The following CHN2 variants were observed in gnomAD, a reference collection of about 807,000 sequenced individuals.
CHN2 encodes beta-chimaerin.
A neutral mutation model predicts 56.3 loss-of-function variants in CHN2; 35 were observed. The observed-to-expected ratio is 0.62, with a 90% CI of 0.47 to 0.82. The LOEUF is 0.82. Among genes scored for constraint, CHN2 ranks in the 40% least tolerant of loss-of-function variants. The pLI, the probability that CHN2 is intolerant of heterozygous loss-of-function variation, is 0.00. For missense variants in CHN2, 491 were observed against 580.5 expected, an observed-to-expected ratio of 0.85 and a Z score of 1.58; for synonymous variants, 210 against 212.8, an observed-to-expected ratio of 0.99 and a Z score of 0.12.
chr7:29,278,204 A>G (rs963149032), intron 1 of CHN2, among the ~76,000 whole-genome samples: 1 of 152,168 alleles, frequency 6.6e-6, no homozygotes, highest in African/African-American at 2.4e-5. Context: ...GGAGCTTTAA[A>G]AAGTACTTAT....
intron 1 of CHN2, among the ~76,000 whole-genome samples, chr7:29,251,584 C>T (rs576381124): frequency 2.2e-4 from 33 of 152,220 alleles, no homozygotes; most frequent in African/African-American, 7.5e-4. Flanking sequence ...TGAATAAATG[C>T]GAGGCAGTGT....
rs770043842 is a variant in CHN2, at chr7:29,206,368, G to A, written c.49+11378G>A. Among the ~76,000 whole-genome samples, 165 of 152,174 alleles carry A rather than the reference G, an allele frequency of 1.1e-3. 1 individual carries two copies. Among genetic ancestry groups the A allele is most frequent in the Non-Finnish European group, 1.7e-3 (116 of 68,002 alleles). On this transcript the variant is annotated intron_variant, in intron 1 of 12. Transcript: ENST00000222792. The stretch of plus-strand genomic sequence containing the variant: ...ATGATCTTAGCTCACTGCACCCTGC[G>A]CTTCCTGGGTTCAAGGATTTCTCCT...
At chr7:29,345,297 A>T (rs1171812385) in intron 1 of CHN2, among the ~76,000 whole-genome samples, 1 of 152,260 alleles carries the variant, frequency 6.6e-6, no homozygotes, top group Non-Finnish European at 1.5e-5. Flanking sequence ...CTATCTGTCT[A>T]GCATGGGAAG....
chr7:29,272,566 G>A (rs7803622), intron 1 of CHN2, among the ~76,000 whole-genome samples: 13,031 of 152,214 alleles, frequency 0.086, 899 homozygotes, highest in African/African-American at 0.19. Flanking sequence ...GCTGGAGGAG[G>A]AAGGAAGGCT....
chr7:29,314,027 A>G (rs558870730), intron 1 of CHN2, among the ~76,000 whole-genome samples: 1 of 152,320 alleles, frequency 6.6e-6, no homozygotes, highest in African/African-American at 2.4e-5. Context: ...GCATGGGACC[A>G]TATGATGCAG....
intron 3 of CHN2, among the ~76,000 whole-genome samples, chr7:29,372,892 T>G (rs947804294): frequency 6.6e-6 from 1 of 152,232 alleles, no homozygotes; most frequent in Non-Finnish European, 1.5e-5. Context: ...CAGAAGTTCT[T>G]TTGTGACTGT....
At chr7:29,348,757 CT>C (rs764017299) in intron 1 of CHN2, among the ~76,000 whole-genome samples, 47 of 151,962 alleles carry the variant, frequency 3.1e-4, no homozygotes, top group South Asian at 2.1e-3. Context: ...AGTCAGTGTA[CT>C]TTTAAAAAAA....
intron 2 of CHN2, among the ~76,000 whole-genome samples, chr7:29,355,327 T>A (rs1305918310): frequency 6.6e-6 from 1 of 152,198 alleles, no homozygotes; most frequent in Non-Finnish European, 1.5e-5. Context: ...TTGACTTCTA[T>A]GAATTATGTT....
At chr7:29,387,511 C>T (rs748923454) in intron 3 of CHN2, among the ~76,000 whole-genome samples, 10 of 152,168 alleles carry the variant, frequency 6.6e-5, no homozygotes, top group Non-Finnish European at 1.0e-4. Context: ...AGCTATGACA[C>T]GTTCTCTCAT....
At chr7:29,352,107 G>A (rs916679304) in intron 1 of CHN2, among the ~76,000 whole-genome samples, 1 of 152,154 alleles carries the variant, frequency 6.6e-6, no homozygotes, top group African/African-American at 2.4e-5. Context: ...TAGGTAAGAA[G>A]ACCTTAGATC....
At chr7:29,434,338 A>G (rs1425177470) in intron 6 of CHN2, among the ~76,000 whole-genome samples, 2 of 151,962 alleles carry the variant, frequency 1.3e-5, no homozygotes, top group African/African-American at 4.8e-5. Context: ...TCAGGCTGCT[A>G]TAGCAGATAC....
intron 1 of CHN2, among the ~76,000 whole-genome samples, chr7:29,258,196 C>T (rs1227209009): frequency 6.6e-6 from 1 of 152,156 alleles, no homozygotes; most frequent in Non-Finnish European, 1.5e-5. Context: ...CAAACTGGGT[C>T]TCTTGAGAGT....
chr7:29,228,157 T>TAC (rs1389003627), intron 1 of CHN2, among the ~76,000 whole-genome samples: 6 of 150,038 alleles, frequency 4.0e-5, no homozygotes, highest in African/African-American at 1.2e-4. Context: ...TATATATATA[T>TAC]ATACACACAC....
At chr7:29,188,699 A>G (rs925873197) in intron 2 of CHN2, among the ~76,000 whole-genome samples, 4 of 152,170 alleles carry the variant, frequency 2.6e-5, no homozygotes, top group Admixed American at 1.3e-4. Context: ...AACTGTGGAT[A>G]AGAAAATGCC....
At chr7:29,347,985 T>C (rs1469014301) in intron 1 of CHN2, among the ~76,000 whole-genome samples, 1 of 152,262 alleles carries the variant, frequency 6.6e-6, no homozygotes, top group Non-Finnish European at 1.5e-5. Flanking sequence ...CACACAAATC[T>C]CTTAATGGTG....
At chr7:29,275,415 G>A (rs1461132646) in intron 1 of CHN2, among the ~76,000 whole-genome samples, 1 of 152,150 alleles carries the variant, frequency 6.6e-6, no homozygotes, top group Non-Finnish European at 1.5e-5. Context: ...GACAAGTCAA[G>A]AGAACACTTT....
Position 29,354,644 on chromosome 7 carries a change from T to C in CHN2, c.69T>C (p.Pro23=), listed in dbSNP as rs1798146731. 1 of 1,611,080 alleles carries C rather than the reference T, an allele frequency of 6.2e-7. No homozygotes were observed. The highest frequency in any genetic ancestry group is 8.5e-7 in the Non-Finnish European group (1 of 1,179,016). Residue 23 remains proline (P), a synonymous_variant, in exon 2 of 13, where the codon CCT becomes CCC. Transcript: ENST00000222792. The part of the protein sequence containing the change: ...SVSSDAEEYQ[P]PIWKSYLYQL... ...TTCTAGATGCTGAAGAATACCAGCC[T>C]CCTATATGGAAATCATACTGTGAGT...
chr7:29,428,726 A>G (rs1805129166), intron 6 of CHN2, among the ~76,000 whole-genome samples: 1 of 152,222 alleles, frequency 6.6e-6, no homozygotes, highest in African/African-American at 2.4e-5. Context: ...ATTTTTATGT[A>G]AAAACTACTT....
intron 10 of CHN2, 78 bp from the exon 11 acceptor site, chr7:29,507,150 T>TG (rs1790661136): frequency 1.4e-6 from 2 of 1,383,350 alleles, no homozygotes; most frequent in Admixed American, 4.9e-5. Context: ...TCGCTGGATT[T>TG]TTTTTTTTTT....
Sources: gnomAD v4.1 joint callset for allele counts (sites outside exome capture counted in the v4.1 genomes callset) on GRCh38, gnomAD v4.1.1 for gene constraint, MANE v1.5 for transcripts, NCBI Gene and HGNC (gene_info 2026-07-23, HGNC 2026-07-21) for gene names.